The following NMNAT1 variants were observed in gnomAD, a reference collection of about 807,000 sequenced individuals.
NMNAT1 encodes the protein nicotinamide nucleotide adenylyltransferase 1.
In NMNAT1, 11 loss-of-function variants were observed where a neutral mutation model predicts 16.7. The observed-to-expected ratio is 0.66, with a 90% confidence interval of 0.41 to 1.09. NMNAT1 has a LOEUF of 1.09. Ranked by LOEUF, NMNAT1 falls within the 50% of genes least tolerant of loss-of-function variation. NMNAT1 has a pLI of 0.00. For missense variants in NMNAT1, 280 were observed against 332.3 expected, an observed-to-expected ratio of 0.84 and a Z score of 1.22; for synonymous variants, 110 against 119.8, an observed-to-expected ratio of 0.92 and a Z score of 0.53.
chr1:9,991,448 G>C, the NMNAT1 span, among the ~76,000 whole-genome samples: 1 of 152,142 alleles, frequency 6.6e-6, no homozygotes, highest in African/African-American at 2.4e-5. Flanking sequence ...GGGATTACAG[G>C]CGTGAGCCAC....
rs35088826 is a variant in NMNAT1 at position 9,968,770 on chromosome 1, C to CAA, written c.-56-3230_-56-3229dup. The stretch of plus-strand genomic sequence containing the variant: ...TGGGCGACAGGGCGAGACTCTGTCT[C>CAA]AAAAAAAAAAAAAAAAAAATTAGCC... On this transcript the variant is annotated intron_variant, in intron 1 of 4. Transcript: ENST00000377205. 2.8e-3 allele frequency among the ~76,000 whole-genome samples: 224 copies of CAA among 79,126 alleles called. 4 individuals are homozygous for CAA. The highest frequency in any genetic ancestry group is 7.8e-3 in the Middle Eastern group (1 of 128). 51.9% of individuals were successfully genotyped at this position (79,126 alleles called of 152,430 possible).
chr1:9,983,364 A>C lies in NMNAT1; in HGVS notation c.*663A>C, dbSNP rs955454554. On this transcript the variant is annotated 3_prime_UTR_variant, in exon 5 of 5. Coordinates refer to ENST00000377205, the MANE Select transcript of NMNAT1 (RefSeq NM_022787.4). The stretch of plus-strand genomic sequence containing the variant: ...AGCAAAACTCCATCTCAAAGAGAAA[A>C]AAAAAAAAGACCGGGTGTGGTGGCT... 6.6e-6 allele frequency: 1 copy of C among 150,950 alleles called. No individual in the cohort carries two copies. The highest frequency in any genetic ancestry group is 1.5e-5 in the Non-Finnish European group (1 of 67,880). The allele number at this position is 150,950 out of a possible 1,614,324, so 9.4% of individuals were successfully genotyped here.
intron 1 of NMNAT1, among the ~76,000 whole-genome samples, chr1:9,961,885 C>T (rs1641417195): frequency 6.6e-6 from 1 of 152,058 alleles, no homozygotes; most frequent in South Asian, 2.1e-4. Flanking sequence ...AGTTCTGCCT[C>T]AGCCTCCCAA....
chr1:9,958,566 A>G (rs1450440991), intron 1 of NMNAT1, among the ~76,000 whole-genome samples: 1 of 151,370 alleles, frequency 6.6e-6, no homozygotes, highest in African/African-American at 2.4e-5. Context: ...CAGCCTCCTG[A>G]GTATCTGGGA....
Position 9,965,128 on chromosome 1 carries a change from C to T in NMNAT1, c.-56-6890C>T, listed in dbSNP as rs1021637233. Among the ~76,000 whole-genome samples, 6 of 151,492 alleles carry T rather than the reference C, an allele frequency of 4.0e-5. No homozygotes were observed. In the East Asian group the frequency reaches 9.8e-4, roughly 25 times the overall value. ...GGTCAAGAGATCAAGACCATCCTGG[C>T]GAACATGGTGAAACCCTGTCTCTAC... is the stretch of plus-strand genomic sequence containing the variant. On this transcript the variant is annotated intron_variant, in intron 1 of 4. Coordinates refer to ENST00000377205, the MANE Select transcript of NMNAT1 (RefSeq NM_022787.4).
chr1:9,991,804 A>G, the NMNAT1 span, among the ~76,000 whole-genome samples: 4 of 152,130 alleles, frequency 2.6e-5, no homozygotes, highest in African/African-American at 7.2e-5. Context: ...TTAGGAGCAT[A>G]TAGGAAGGCT....
intron 1 of NMNAT1, among the ~76,000 whole-genome samples, chr1:9,964,192 G>A (rs1056484364): frequency 2.6e-5 from 4 of 151,252 alleles, no homozygotes; most frequent in East Asian, 2.0e-4. Context: ...ACACCGGGCC[G>A]AAAGTATTTT....
At chr1:9,970,167 T>C (rs550931387) in intron 1 of NMNAT1, among the ~76,000 whole-genome samples, 10 of 152,138 alleles carry the variant, frequency 6.6e-5, no homozygotes, top group African/African-American at 2.4e-4. Context: ...TGAGGGCTAA[T>C]CTTTATAGAT....
intron 1 of NMNAT1, among the ~76,000 whole-genome samples, chr1:9,958,530 C>T: frequency 6.6e-6 from 1 of 151,500 alleles, no homozygotes; most frequent in Non-Finnish European, 1.5e-5. Context: ...ACCTCTGCCT[C>T]CTGGGTTCAA....
At chr1:9,949,216 G>A (rs1199368174) in intron 1 of NMNAT1, among the ~76,000 whole-genome samples, 2 of 149,476 alleles carry the variant, frequency 1.3e-5, no homozygotes, top group African/African-American at 2.5e-5. Flanking sequence ...TCAGCGAGCC[G>A]AAATCACACC....
chr1:9,949,691 A>G (rs1641063771), intron 1 of NMNAT1: 1 of 151,868 alleles, frequency 6.6e-6, no homozygotes, highest in South Asian at 2.1e-4. Context: ...CCTGACTTCA[A>G]GTGATTCGCC....
At chr1:9,977,393 T>C in intron 3 of NMNAT1, among the ~76,000 whole-genome samples, 1 of 151,980 alleles carries the variant, frequency 6.6e-6, no homozygotes, top group East Asian at 1.9e-4. Flanking sequence ...GCCTGGCCTG[T>C]TGTTATCTTG....
intron 2 of NMNAT1, among the ~76,000 whole-genome samples, chr1:9,972,960 A>AC (rs1488940434): frequency 2.6e-5 from 4 of 151,676 alleles, no homozygotes; most frequent in Non-Finnish European, 4.4e-5. Flanking sequence ...GACCCTGACC[A>AC]CCCCTCCCCA....
intron 1 of NMNAT1, among the ~76,000 whole-genome samples, chr1:9,945,652 A>G (rs1410562795): frequency 1.3e-5 from 2 of 152,224 alleles, no homozygotes; most frequent in African/African-American, 2.4e-5. Flanking sequence ...GTGAGCCGAG[A>G]TCGTGCTCTT....
intron 1 of NMNAT1, chr1:9,950,119 C>G (rs1239689269): frequency 6.6e-6 from 1 of 152,016 alleles, no homozygotes; most frequent in Non-Finnish European, 1.5e-5. Context: ...GAGACAGAGT[C>G]TCGCTCTGTC....
chr1:9,963,881 T>C (rs1641483582), intron 1 of NMNAT1, among the ~76,000 whole-genome samples: 2 of 152,082 alleles, frequency 1.3e-5, no homozygotes. Context: ...ACAATGTGTA[T>C]GAATTTTATT....
At chr1:9,990,975 T>C in the NMNAT1 span, among the ~76,000 whole-genome samples, 4 of 151,704 alleles carry the variant, frequency 2.6e-5, no homozygotes, top group Admixed American at 6.6e-5. Context: ...GCAAGTGGAG[T>C]CTATGTCTAC....
At chr1:9,953,921 A>G (rs1179926108) in intron 1 of NMNAT1, among the ~76,000 whole-genome samples, 2 of 140,546 alleles carry the variant, frequency 1.4e-5, no homozygotes, top group African/African-American at 5.4e-5. Context: ...TCCTCCTGCC[A>G]CAGTCCCCAT....
intron 1 of NMNAT1, among the ~76,000 whole-genome samples, chr1:9,953,091 C>T (rs1418677269): frequency 3.3e-5 from 5 of 151,558 alleles, no homozygotes; most frequent in South Asian, 2.1e-4. Flanking sequence ...AGCAATTCTC[C>T]GGCCTCAGCC....
Sources: allele counts gnomAD v4.1 joint callset (sites outside exome capture counted in the v4.1 genomes callset), GRCh38; gene constraint gnomAD v4.1.1; transcripts MANE v1.5; gene names NCBI Gene and HGNC (gene_info 2026-07-23, HGNC 2026-07-21).